The following NOX4 variants were observed in gnomAD, a reference collection of about 807,000 sequenced individuals.
NOX4 encodes the protein NADPH oxidase 4, also known as kidney oxidase-1.
In NOX4, 69 loss-of-function variants were observed where a neutral mutation model predicts 87.6. That is an observed-to-expected ratio of 0.79 (90% CI 0.65 to 0.96). The LOEUF (loss-of-function observed/expected upper bound fraction) is 0.96, where lower values mean the gene tolerates loss of function less well. Among genes scored for constraint, NOX4 ranks in the 40% least tolerant of loss-of-function variants. The pLI is 0.00. For missense variants in NOX4, 680 were observed against 681.5 expected (o/e 1.00, Z 0.02); for synonymous variants, 275 against 238.2 (o/e 1.15, Z -1.42).
chr11:89,509,278 C>T, the NOX4 span, among the ~76,000 whole-genome samples: 9 of 151,902 alleles, frequency 5.9e-5, no homozygotes, highest in South Asian at 6.2e-4. Flanking sequence ...TTAACCAGCA[C>T]GATTAATTGA....
chr11:89,537,950 C>G, the NOX4 span, among the ~76,000 whole-genome samples: 1 of 152,214 alleles, frequency 6.6e-6, no homozygotes, highest in African/African-American at 2.4e-5. Context: ...GATAACCTCT[C>G]TTTTACTTTC....
chr11:89,555,203 C>T, the NOX4 span, among the ~76,000 whole-genome samples: 2 of 151,816 alleles, frequency 1.3e-5, no homozygotes, highest in Non-Finnish European at 2.9e-5. Context: ...TGCTTTTAGT[C>T]TGGGAGCAGT....
chr11:89,562,879 G>A, the NOX4 span, among the ~76,000 whole-genome samples: 2 of 152,266 alleles, frequency 1.3e-5, no homozygotes, highest in South Asian at 4.1e-4. Flanking sequence ...GTTGAGGGAG[G>A]GACCTGGTGG....
intron 11 of NOX4, among the ~76,000 whole-genome samples, chr11:89,381,733 G>A (rs1281095776): frequency 6.6e-6 from 1 of 152,142 alleles, no homozygotes; most frequent in African/African-American, 2.4e-5. Flanking sequence ...CTGTCCTCCT[G>A]CTCTTTGCTC....
the NOX4 span, among the ~76,000 whole-genome samples, chr11:89,559,607 A>G: frequency 6.6e-6 from 1 of 152,152 alleles, no homozygotes; most frequent in Non-Finnish European, 1.5e-5. Flanking sequence ...TCTAAAGAGT[A>G]TAGATAGATA....
the NOX4 span, among the ~76,000 whole-genome samples, chr11:89,537,373 A>C: frequency 6.6e-6 from 1 of 151,588 alleles, no homozygotes; most frequent in Admixed American, 6.6e-5. Context: ...ATCTCTCTCA[A>C]TAGTTATACA....
rs1290456070 is a variant in NOX4 at position 89,438,452 on chromosome 11, AATATAC to A, written c.475+2230_475+2235del. On this transcript the variant is annotated intron_variant, in intron 6 of 17. Transcript: ENST00000263317. ...ATAATATATACTATGTATATTATAT[AATATAC>A]AGCATATATATTATATACTATATAT... Among the ~76,000 whole-genome samples, 67 of 84,516 alleles carry A rather than the reference AATATAC, an allele frequency of 7.9e-4. No individual in the cohort carries two copies. In the South Asian group the frequency reaches 0.015, roughly 19 times the overall value. 55.4% of individuals were successfully genotyped at this position (84,516 alleles called of 152,430 possible). A position where few individuals can be genotyped will look rare whatever the true frequency, so the allele number is the denominator to read the frequency against.
At chr11:89,511,870 G>A in the NOX4 span, among the ~76,000 whole-genome samples, 1 of 152,104 alleles carries the variant, frequency 6.6e-6, no homozygotes, top group East Asian at 1.9e-4. Flanking sequence ...TTACAAAAAG[G>A]CCTACGTCTT....
At chr11:89,353,894 A>G (rs899096282) in intron 13 of NOX4, among the ~76,000 whole-genome samples, 8 of 152,326 alleles carry the variant, frequency 5.3e-5, no homozygotes, top group East Asian at 1.9e-4. Flanking sequence ...AAGGCTGTAT[A>G]GGCACATGTA....
At chr11:89,524,628 A>G in the NOX4 span, among the ~76,000 whole-genome samples, 1 of 152,104 alleles carries the variant, frequency 6.6e-6, no homozygotes, top group Non-Finnish European at 1.5e-5. Context: ...AAATTTATTC[A>G]CTAATGCAAC....
At chr11:89,468,290 AG>A in intron 2 of NOX4, among the ~76,000 whole-genome samples, 1 of 152,348 alleles carries the variant, frequency 6.6e-6, no homozygotes, top group African/African-American at 2.4e-5. Flanking sequence ...CAAAAACTGA[AG>A]ATAAAAGTGG....
At chr11:89,582,081 T>C in the NOX4 span, among the ~76,000 whole-genome samples, 1 of 152,140 alleles carries the variant, frequency 6.6e-6, no homozygotes, top group Non-Finnish European at 1.5e-5. Context: ...TTCTATTAGG[T>C]TGACTATTTT....
At chr11:89,328,285 T>C (rs192381434) in intron 17 of NOX4, among the ~76,000 whole-genome samples, 25 of 152,260 alleles carry the variant, frequency 1.6e-4, no homozygotes, top group Admixed American at 1.4e-3. Context: ...GGACAAATAA[T>C]TGCCAGAGTT....
intron 8 of NOX4, among the ~76,000 whole-genome samples, chr11:89,417,899 C>T (rs557625695): frequency 3.3e-5 from 5 of 152,092 alleles, no homozygotes; most frequent in Admixed American, 6.6e-5. Context: ...CAAGTTCATA[C>T]GGGTATTAAG....
chr11:89,450,192 A>G (rs1344148855), intron 3 of NOX4, among the ~76,000 whole-genome samples: 1 of 152,196 alleles, frequency 6.6e-6, no homozygotes, highest in Non-Finnish European at 1.5e-5. Flanking sequence ...CACAGGGATC[A>G]AAACCTAGCA....
At chr11:89,380,893 G>A (rs188824) in intron 11 of NOX4, among the ~76,000 whole-genome samples, 3,033 of 152,202 alleles carry the variant, frequency 0.02, 102 homozygotes, top group African/African-American at 0.07. Flanking sequence ...ATAAAATTAT[G>A]AAAACATAGA....
At chr11:89,530,243 G>A in the NOX4 span, among the ~76,000 whole-genome samples, 1 of 150,410 alleles carries the variant, frequency 6.6e-6, no homozygotes, top group Non-Finnish European at 1.5e-5. Context: ...GATGTCTTCA[G>A]AGTATCTATC....
In NOX4 at chr11:89,421,882, A is replaced by G; in HGVS notation, c.629+20T>C. 1 of 1,494,054 alleles carries G rather than the reference A, an allele frequency of 6.7e-7. No homozygotes were observed. Among genetic ancestry groups the G allele is most frequent in the Non-Finnish European group, 9.1e-7 (1 of 1,103,148 alleles). The allele number at this position is 1,494,054 out of a possible 1,614,324, so 92.5% of individuals were successfully genotyped here. On this transcript the variant is annotated intron_variant, in intron 8 of 17. Coordinates refer to ENST00000263317, the MANE Select transcript of NOX4 (RefSeq NM_016931.5). Reference sequence around the variant, plus strand: ...TTTTGGGGCACAAATGGTTTTAAATACATACATTTGTAAACTTACCCTGAA... The same window carrying G: ...TTTTGGGGCACAAATGGTTTTAAATGCATACATTTGTAAACTTACCCTGAA...
At chr11:89,442,530 GAGAT>G (rs1324267907) in intron 5 of NOX4, among the ~76,000 whole-genome samples, 3 of 152,076 alleles carry the variant, frequency 2.0e-5, no homozygotes, top group African/African-American at 7.2e-5. Flanking sequence ...TGGAGAGAAT[GAGAT>G]AGATTAAGAT....
Sources: allele counts gnomAD v4.1 joint callset (sites outside exome capture counted in the v4.1 genomes callset), GRCh38; gene constraint gnomAD v4.1.1; transcripts MANE v1.5; gene names NCBI Gene and HGNC (gene_info 2026-07-23, HGNC 2026-07-21).